IL1RAPL2: variants seen among roughly 807,000 people sequenced by gnomAD.
IL1RAPL2 encodes the protein X-linked interleukin-1 receptor accessory protein-like 2.
In IL1RAPL2, 3 loss-of-function variants were observed where a neutral mutation model predicts 44.1. The observed-to-expected ratio is 0.07, with a 90% CI of 0.03 to 0.18. IL1RAPL2 has a LOEUF of 0.18. Among genes scored for constraint, IL1RAPL2 ranks in the 10% least tolerant of loss-of-function variants. IL1RAPL2 has a pLI of 1.00. For missense variants in IL1RAPL2, 391 were observed against 496.4 expected (o/e 0.79, Z 2.02); for synonymous variants, 181 against 178.8 (o/e 1.01, Z -0.10).
chrX:105,054,697 A>G (rs1192020884), intron 2 of IL1RAPL2, among the ~76,000 whole-genome samples: 1 of 112,528 alleles, frequency 8.9e-6, no homozygotes, highest in African/African-American at 3.2e-5. Flanking sequence ...AGTAGCTACT[A>G]TATGGAACAG....
intron 5 of IL1RAPL2, among the ~76,000 whole-genome samples, chrX:105,325,990 G>A (rs1439637904): frequency 2.7e-5 from 3 of 111,258 alleles, no homozygotes; most frequent in African/African-American, 9.8e-5. Context: ...TTTACCGAAT[G>A]TATGATTTGG....
chrX:105,023,670 A>G (rs1242580009), intron 2 of IL1RAPL2, among the ~76,000 whole-genome samples: 3 of 111,479 alleles, frequency 2.7e-5, no homozygotes, highest in African/African-American at 9.7e-5. Flanking sequence ...ATAATATCAG[A>G]TATGTTTGGA....
At chrX:104,839,362 G>T (rs748409712) in intron 2 of IL1RAPL2, among the ~76,000 whole-genome samples, 40 of 111,501 alleles carry the variant, frequency 3.6e-4, no homozygotes, top group Admixed American at 2.9e-3. Context: ...TTTGTCATTG[G>T]TTCTGTTTAT....
intron 2 of IL1RAPL2, among the ~76,000 whole-genome samples, chrX:105,115,848 T>C (rs1222626699): frequency 8.9e-6 from 1 of 112,857 alleles, no homozygotes; most frequent in Non-Finnish European, 1.9e-5. Flanking sequence ...CCATGGCGGT[T>C]GGTGGGGAGG....
chrX:104,991,265 A>G (rs1487974590), intron 2 of IL1RAPL2, among the ~76,000 whole-genome samples: 2 of 111,768 alleles, frequency 1.8e-5, no homozygotes, highest in South Asian at 7.4e-4. Context: ...ACCCAGGCAA[A>G]GGAAGATTTT....
intron 6 of IL1RAPL2, among the ~76,000 whole-genome samples, chrX:105,635,680 A>G (rs1448117001): frequency 8.9e-6 from 1 of 111,978 alleles, no homozygotes; most frequent in Non-Finnish European, 1.9e-5. Flanking sequence ...ACTGAAATTT[A>G]TAGAACTTAA....
At chrX:105,667,090 AC>A (rs1313563846) in intron 6 of IL1RAPL2, among the ~76,000 whole-genome samples, 1 of 112,270 alleles carries the variant, frequency 8.9e-6, no homozygotes, top group Admixed American at 9.4e-5. Flanking sequence ...ATTTAAATGA[AC>A]CATAGCAATC....
intron 2 of IL1RAPL2, among the ~76,000 whole-genome samples, chrX:104,865,941 A>G (rs1922603615): frequency 8.9e-6 from 1 of 112,082 alleles, no homozygotes; most frequent in African/African-American, 3.2e-5. Flanking sequence ...TTCTCCTAAT[A>G]AACTCCCCTT....
At chrX:105,627,056 G>A (rs1263708546) in intron 6 of IL1RAPL2, among the ~76,000 whole-genome samples, 4 of 111,613 alleles carry the variant, frequency 3.6e-5, no homozygotes, top group African/African-American at 1.3e-4. Context: ...GTCTGTAATG[G>A]AATTGAATTA....
intron 1 of IL1RAPL2, among the ~76,000 whole-genome samples, chrX:104,594,774 CA>C (rs1442285341): frequency 1.8e-5 from 2 of 111,322 alleles, no homozygotes; most frequent in African/African-American, 6.5e-5. Flanking sequence ...TAGGTCACCC[CA>C]AAGGATGAAA....
chrX:104,943,029 T>C (rs1315398453), intron 2 of IL1RAPL2, among the ~76,000 whole-genome samples: 1 of 111,691 alleles, frequency 9.0e-6, no homozygotes, highest in African/African-American at 3.3e-5. Flanking sequence ...CAGCCTTGCA[T>C]CCCAGGGATG....
At chrX:105,377,370 C>T (rs748528060) in intron 5 of IL1RAPL2, among the ~76,000 whole-genome samples, 4 of 99,143 alleles carry the variant, frequency 4.0e-5, no homozygotes, top group Admixed American at 1.1e-4. Flanking sequence ...GTGTGTGTGT[C>T]TGTGTGTGTG....
intron 2 of IL1RAPL2, among the ~76,000 whole-genome samples, chrX:104,843,076 C>T (rs1270619931): frequency 1.8e-5 from 2 of 112,046 alleles, no homozygotes; most frequent in Non-Finnish European, 3.8e-5. Context: ...CTGACTGGGG[C>T]TGCTGCATTT....
At chrX:105,599,610 C>CT (rs915527898) in intron 6 of IL1RAPL2, among the ~76,000 whole-genome samples, 3 of 111,041 alleles carry the variant, frequency 2.7e-5, no homozygotes, top group African/African-American at 6.5e-5. Context: ...ATATTTCAAT[C>CT]TTTTTTTAAA....
At chrX:104,970,553 G>A (rs750069620) in intron 2 of IL1RAPL2, among the ~76,000 whole-genome samples, 1 of 111,767 alleles carries the variant, frequency 8.9e-6, no homozygotes, top group South Asian at 3.9e-4. Context: ...CTAGAAAAGG[G>A]GTGGTAACTT....
At chrX:105,025,481 G>A (rs1314599136) in intron 2 of IL1RAPL2, among the ~76,000 whole-genome samples, 2 of 110,987 alleles carry the variant, frequency 1.8e-5, no homozygotes, top group Non-Finnish European at 3.8e-5. Flanking sequence ...AATCTTAAAC[G>A]CCCATAGGAT....
At chrX:105,475,348 G>T (rs1309536045) in intron 5 of IL1RAPL2, among the ~76,000 whole-genome samples, 2 of 110,199 alleles carry the variant, frequency 1.8e-5, no homozygotes, top group African/African-American at 6.7e-5. Context: ...CCATCCTTGG[G>T]TATCATATTA....
At chrX:105,203,639 C>T (rs1253438798) in intron 3 of IL1RAPL2, among the ~76,000 whole-genome samples, 1 of 112,077 alleles carries the variant, frequency 8.9e-6, no homozygotes, top group Non-Finnish European at 1.9e-5. Flanking sequence ...ATAAAAGTGT[C>T]CAATGACCAC....
intron 2 of IL1RAPL2, among the ~76,000 whole-genome samples, chrX:104,836,308 T>TA (rs894239581): frequency 3.2e-4 from 34 of 107,552 alleles, no homozygotes; most frequent in Admixed American, 4.0e-4. Context: ...GTTTAATGGG[T>TA]AAAAAAAAAC....
Sources: gnomAD v4.1 joint callset for allele counts (sites outside exome capture counted in the v4.1 genomes callset) on GRCh38, gnomAD v4.1.1 for gene constraint, MANE v1.5 for transcripts, NCBI Gene and HGNC (gene_info 2026-07-23, HGNC 2026-07-21) for gene names.